The following EIF4B variants were observed in gnomAD, a reference collection of about 807,000 sequenced individuals.
EIF4B encodes the protein eukaryotic translation initiation factor 4B.
EIF4B carries 8 observed loss-of-function variants against 79.3 expected under a neutral mutation model. The observed-to-expected ratio is 0.10, with a 90% confidence interval of 0.06 to 0.18. The LOEUF is 0.18. Ranked by LOEUF, EIF4B falls within the 10% of genes least tolerant of loss-of-function variation. The probability of loss-of-function intolerance (pLI) is 1.00; values close to 1 mark genes in which losing one functional copy is unlikely to be tolerated. For missense variants in EIF4B, 515 were observed against 792.4 expected, an observed-to-expected ratio of 0.65 and a Z score of 4.20; for synonymous variants, 238 against 274.7, an observed-to-expected ratio of 0.87 and a Z score of 1.32.
chr12:53,015,648 T>TA (rs1943136300), intron 1 of EIF4B, among the ~76,000 whole-genome samples: 1 of 149,272 alleles, frequency 6.7e-6, no homozygotes, highest in Non-Finnish European at 1.5e-5. Flanking sequence ...ACCACTGCAC[T>TA]ACAGCCTGGA....
chr12:53,031,233 C>T (rs1943440272), intron 8 of EIF4B, among the ~76,000 whole-genome samples: 1 of 152,208 alleles, frequency 6.6e-6, no homozygotes, highest in South Asian at 2.1e-4. Context: ...ATAGCCCTTT[C>T]TCTATACCTC....
intron 1 of EIF4B, among the ~76,000 whole-genome samples, chr12:53,010,756 A>G (rs1943050848): frequency 6.6e-6 from 1 of 151,954 alleles, no homozygotes. Flanking sequence ...AAGCGGTTCT[A>G]GAGATGGAGT....
At chr12:53,006,594 G>T (rs919923656) in intron 1 of EIF4B, 98 bp downstream of exon 1, 20 of 1,600,250 alleles carry the variant, frequency 1.2e-5, no homozygotes, top group Non-Finnish European at 1.7e-5. Flanking sequence ...GCTGGCACTG[G>T]TTCCTTTCTG....
Sources: allele counts gnomAD v4.1 joint callset (sites outside exome capture counted in the v4.1 genomes callset), GRCh38; gene constraint gnomAD v4.1.1; transcripts MANE v1.5; gene names NCBI Gene and HGNC (gene_info 2026-07-23, HGNC 2026-07-21).